Variants in MED13 observed in about 807,000 individuals in gnomAD.
The protein encoded by MED13 is mediator complex subunit 13, also known as mediator of RNA polymerase II transcription subunit 13.
A neutral mutation model predicts 225.2 loss-of-function variants in MED13; 23 were observed. The ratio of observed to expected loss-of-function variants is 0.10; its 90% confidence interval spans 0.07 to 0.14. The LOEUF (loss-of-function observed/expected upper bound fraction) is 0.14. MED13 is among the 10% of genes least tolerant of loss of function. The pLI, the probability that MED13 is intolerant of heterozygous loss-of-function variation, is 1.00. For missense variants in MED13, 2,197 were observed against 2,594.5 expected, an observed-to-expected ratio of 0.85 and a Z score of 3.33; for synonymous variants, 942 against 889.2, an observed-to-expected ratio of 1.06 and a Z score of -1.06.
chr17:62,063,351 C>A (rs2081056630), intron 1 of MED13, 50 bp from the exon 2 acceptor site: 1 of 1,172,726 alleles, frequency 8.5e-7, no homozygotes, highest in South Asian at 1.3e-5. Context: ...CACTCAAAGT[C>A]AAAAGTACTC....
intron 16 of MED13, among the ~76,000 whole-genome samples, chr17:61,980,563 C>T (rs989995385): frequency 2.0e-5 from 3 of 152,196 alleles, no homozygotes; most frequent in African/African-American, 7.2e-5. Context: ...TTTCCTTACA[C>T]GTCTTTTGGC....
intron 23 of MED13, among the ~76,000 whole-genome samples, chr17:61,956,777 G>C (rs1400801633): frequency 6.6e-6 from 1 of 152,060 alleles, no homozygotes; most frequent in Non-Finnish European, 1.5e-5. Context: ...CTGACCTCGT[G>C]ATCTGCCTGC....
intron 8 of MED13, among the ~76,000 whole-genome samples, chr17:62,025,722 A>G (rs1201248369): frequency 6.6e-6 from 1 of 152,242 alleles, no homozygotes; most frequent in Non-Finnish European, 1.5e-5. Flanking sequence ...TGGGCCAAAT[A>G]TGGCGAATTC....
chr17:61,956,298 A>T, intron 24 of MED13, 41 bp downstream of exon 24: 1 of 1,576,916 alleles, frequency 6.3e-7, no homozygotes, highest in Non-Finnish European at 8.6e-7. Flanking sequence ...GTGAATTTAC[A>T]TAAAACGGAA....
chr17:61,942,776 AAAG>A lies in MED13; in HGVS notation c.*3689_*3691del, dbSNP rs139441247. ...CCTTATTCTCTTTTTGTCACGTTAA[AAAG>A]AAAAGCAATTGGACCATATTAAATG... is the stretch of plus-strand genomic sequence containing the variant. On this transcript the variant is annotated 3_prime_UTR_variant, in exon 30 of 30. Transcript: ENST00000397786. The A allele has an allele frequency of 0.065, 9,886 of 152,484 alleles. 556 individuals carry two copies. The highest frequency in any genetic ancestry group is 0.3 in the South Asian group (1,460 of 4,810). The allele number at this position is 152,484 out of a possible 1,614,324, so 9.4% of individuals were successfully genotyped here.
chr17:61,951,051 C>T, intron 27 of MED13, 53 bp from the exon 28 acceptor site: 2 of 1,396,668 alleles, frequency 1.4e-6, no homozygotes, highest in East Asian at 2.4e-5. Context: ...AACTAAGTAC[C>T]AGATATAAAC....
chr17:61,981,749 TCTTA>T (rs571363970), intron 16 of MED13, among the ~76,000 whole-genome samples: 113 of 152,308 alleles, frequency 7.4e-4, no homozygotes, highest in Non-Finnish European at 1.4e-3. Flanking sequence ...CCAAATTACT[TCTTA>T]CTATCTATTA....
chr17:61,974,954 A>G (rs1412510890), intron 16 of MED13, among the ~76,000 whole-genome samples: 1 of 152,180 alleles, frequency 6.6e-6, no homozygotes, highest in Non-Finnish European at 1.5e-5. Flanking sequence ...TGCTTCAAAG[A>G]ATACCATCAA....
At position 62,029,787 on chromosome 17, in the gene MED13, A is replaced by G. The variant is rs943297817; in HGVS notation, c.1172+64T>C. Reference sequence around the variant, plus strand: ...AAACAAATGACTGTTTATACTTTAGATATCTTCTAATTATAAGTAATTATC... The same window carrying G: ...AAACAAATGACTGTTTATACTTTAGGTATCTTCTAATTATAAGTAATTATC... On this transcript the variant is annotated intron_variant, in intron 7 of 29. Coordinates refer to ENST00000397786, the MANE Select transcript of MED13 (RefSeq NM_005121.3). The G allele has an allele frequency of 9.2e-6, 14 of 1,527,546 alleles. No individual in the cohort carries two copies. In the African/African-American group the frequency reaches 1.3e-4, roughly 14 times the overall value. The allele number at this position is 1,527,546 out of a possible 1,614,324, so 94.6% of individuals were successfully genotyped here.
chr17:62,017,956 A>T (rs1234753217), intron 8 of MED13, among the ~76,000 whole-genome samples: 1 of 152,208 alleles, frequency 6.6e-6, no homozygotes, highest in Non-Finnish European at 1.5e-5. Context: ...AGAACAAAGG[A>T]CTGGTAGATA....
intron 2 of MED13, 130 bp downstream of exon 2, chr17:62,062,937 T>A: frequency 1.6e-6 from 1 of 621,616 alleles, no homozygotes; most frequent in Non-Finnish European, 2.7e-6. Flanking sequence ...AATAAAACAA[T>A]GAAGCTGAAT....
chr17:61,983,291 C>CT (rs1409191805), intron 15 of MED13, among the ~76,000 whole-genome samples, 177 bp from the exon 16 acceptor site: 3 of 152,132 alleles, frequency 2.0e-5, no homozygotes, highest in Non-Finnish European at 2.9e-5. Flanking sequence ...CATATCTACT[C>CT]TAAGTGATTG....
At chr17:62,046,197 T>G (rs2080896081) in intron 3 of MED13, among the ~76,000 whole-genome samples, 1 of 152,204 alleles carries the variant, frequency 6.6e-6, no homozygotes, top group South Asian at 2.1e-4. Flanking sequence ...TTCCACTGAA[T>G]TCAACAGAAA....
intron 3 of MED13, among the ~76,000 whole-genome samples, chr17:62,045,931 A>AT (rs948207598): frequency 5.8e-4 from 89 of 152,208 alleles, no homozygotes; most frequent in Middle Eastern, 3.4e-3. Flanking sequence ...AGAAAATGAG[A>AT]TTTTTTTCTT....
intron 3 of MED13, among the ~76,000 whole-genome samples, chr17:62,044,066 C>T (rs955605572): frequency 5.9e-5 from 9 of 152,064 alleles, no homozygotes; most frequent in African/African-American, 2.2e-4. Context: ...GACATCCTAA[C>T]GCTACTAATG....
At chr17:62,015,612 T>C (rs1188115832) in intron 8 of MED13, among the ~76,000 whole-genome samples, 1 of 151,314 alleles carries the variant, frequency 6.6e-6, no homozygotes, top group Non-Finnish European at 1.5e-5. Context: ...CTCGCTCTGT[T>C]GCCCAGGCTG....
At chr17:62,015,957 T>A (rs1179774805) in intron 8 of MED13, among the ~76,000 whole-genome samples, 437 of 6,160 alleles carry the variant, frequency 0.071, 39 homozygotes, top group East Asian at 0.24. Flanking sequence ...TATATATATT[T>A]TTTTTTTTTT....
chr17:62,008,847 A>G (rs997981527), intron 9 of MED13, among the ~76,000 whole-genome samples: 1 of 152,328 alleles, frequency 6.6e-6, no homozygotes, highest in Admixed American at 6.5e-5. Context: ...GGTTCACATT[A>G]TAACAGAAAT....
In MED13 at chr17:61,966,442, A is replaced by G. The variant is rs750964469; in HGVS notation, c.4381+20T>C. ...CATTTTGCTAACACCAGCCTTATAC[A>G]ATAAATACAAATTCAATACCTAGGT... On this transcript the variant is annotated intron_variant, in intron 19 of 29. Coordinates refer to ENST00000397786, the MANE Select transcript of MED13 (RefSeq NM_005121.3). The G allele has an allele frequency of 3.1e-6, 5 of 1,590,374 alleles. No homozygotes were observed. The South Asian group carries it at 4.6e-5, about 15-fold the overall frequency.
Sources: allele counts gnomAD v4.1 joint callset (sites outside exome capture counted in the v4.1 genomes callset), GRCh38; gene constraint gnomAD v4.1.1; transcripts MANE v1.5; gene names NCBI Gene and HGNC (gene_info 2026-07-23, HGNC 2026-07-21).